MED4: variants seen among roughly 807,000 people sequenced by gnomAD.
The protein encoded by MED4 is mediator of RNA polymerase II transcription subunit 4.
In MED4, 21 loss-of-function variants were observed where a neutral mutation model predicts 35.0. The ratio of observed to expected loss-of-function variants is 0.60; its 90% confidence interval spans 0.43 to 0.86. MED4 has a LOEUF of 0.86. Among genes scored for constraint, MED4 ranks in the 40% least tolerant of loss-of-function variants. The probability of loss-of-function intolerance (pLI) is 0.00; values close to 1 mark genes in which losing one functional copy is unlikely to be tolerated. For synonymous variants in MED4, 138 were observed against 114.0 expected (o/e 1.21, Z -1.34); for missense variants, 300 against 319.4 (o/e 0.94, Z 0.46).
Position 48,077,123 on chromosome 13 carries a change from T to C in MED4, c.*16A>G, listed in dbSNP as rs1950765660. The C allele has an allele frequency of 6.3e-7, 1 of 1,585,886 alleles. No individual in the cohort carries two copies. The highest frequency in any genetic ancestry group is 2.3e-5 in the East Asian group (1 of 43,182). ...TTCTACAGTATTCAATTCTGTATAT[T>C]GTCTTTTAAGGTTTTTCAATCAGAC... On this transcript the variant is annotated 3_prime_UTR_variant, in exon 7 of 7. Transcript: ENST00000258648.
chr13:48,082,383 A>C (rs1203338964), intron 4 of MED4, among the ~76,000 whole-genome samples: 1 of 152,200 alleles, frequency 6.6e-6, no homozygotes, highest in African/African-American at 2.4e-5. Flanking sequence ...AACTTTAGAT[A>C]CTGTTTCAAT....
intron 1 of MED4, among the ~76,000 whole-genome samples, chr13:48,090,641 C>G (rs142276009): frequency 6.6e-6 from 1 of 152,172 alleles, no homozygotes; most frequent in African/African-American, 2.4e-5. Flanking sequence ...AGAGTTCTTT[C>G]TATAAAAACC....
intron 2 of MED4, among the ~76,000 whole-genome samples, 164 bp downstream of exon 2, chr13:48,090,188 C>A (rs1402146412): frequency 6.6e-6 from 1 of 151,980 alleles, no homozygotes; most frequent in Non-Finnish European, 1.5e-5. Context: ...GTAAATGATA[C>A]AAAGAAAATA....
intron 5 of MED4, among the ~76,000 whole-genome samples, chr13:48,081,380 T>C (rs552412585): frequency 6.6e-6 from 1 of 152,318 alleles, no homozygotes; most frequent in African/African-American, 2.4e-5. Flanking sequence ...AAGCATCACA[T>C]TATTATCTCG....
chr13:48,082,023 G>A (rs1950811910), intron 4 of MED4, among the ~76,000 whole-genome samples: 1 of 152,090 alleles, frequency 6.6e-6, no homozygotes, highest in Admixed American at 6.5e-5. Context: ...TCTTCTGAAA[G>A]CATAGTGAGC....
intron 6 of MED4, chr13:48,077,590 T>C: frequency 5.0e-6 from 1 of 198,616 alleles, no homozygotes; most frequent in Non-Finnish European, 1.0e-5. Flanking sequence ...TTTAAAGTTT[T>C]TGTAGAGATG....
rs1443147159 is a variant in MED4 at position 48,076,888 on chromosome 13, T to A, written c.*251A>T. The stretch of plus-strand genomic sequence containing the variant: ...GAACAGAACAGGGTAAGAAAGCACA[T>A]AGCAACTGCTTTTTCAACAGTAAAT... On this transcript the variant is annotated 3_prime_UTR_variant, in exon 7 of 7. Coordinates refer to ENST00000258648, the MANE Select transcript of MED4 (RefSeq NM_014166.4). 2.7e-6 allele frequency: 1 copy of A among 375,108 alleles called. No homozygotes were observed. Among genetic ancestry groups the A allele is most frequent in the Non-Finnish European group, 4.8e-6 (1 of 208,594 alleles). The allele number at this position is 375,108 out of a possible 1,614,324, so 23.2% of individuals were successfully genotyped here. A position where few individuals can be genotyped will look rare whatever the true frequency, so the allele number is the denominator to read the frequency against.
chr13:48,092,900 C>G (rs1267778067), intron 1 of MED4, among the ~76,000 whole-genome samples: 2 of 152,102 alleles, frequency 1.3e-5, no homozygotes. Context: ...CCACAGAAGG[C>G]TTTACAAGGC....
rs780337542 is a variant in MED4 at position 48,076,318 on chromosome 13, G to C, written c.*821C>G. 4 of 152,152 alleles carry C rather than the reference G, an allele frequency of 2.6e-5. No individual in the cohort carries two copies. Among genetic ancestry groups the C allele is most frequent in the Non-Finnish European group, 5.9e-5 (4 of 68,006 alleles). 9.4% of individuals were successfully genotyped at this position (152,152 alleles called of 1,614,324 possible). On this transcript the variant is annotated 3_prime_UTR_variant, in exon 7 of 7. Transcript: ENST00000258648. ...AATGACTCCTGGGGAACTGTAAGAAGAGGAAGGTGAAGGGAAGAAATGGTT... is the reference window on the plus strand; with the variant it reads ...AATGACTCCTGGGGAACTGTAAGAACAGGAAGGTGAAGGGAAGAAATGGTT...
intron 2 of MED4, among the ~76,000 whole-genome samples, chr13:48,087,775 A>G (rs1445399887): frequency 6.6e-6 from 1 of 151,902 alleles, no homozygotes; most frequent in Non-Finnish European, 1.5e-5. Context: ...GCTTGAACCC[A>G]GGAGGCGGAG....
intron 5 of MED4, 147 bp from the exon 6 acceptor site, chr13:48,080,122 T>A (rs781203760): frequency 3.6e-6 from 3 of 830,516 alleles, no homozygotes; most frequent in East Asian, 6.4e-5. Context: ...TCTGGCCAGG[T>A]GCAGTGGCTC....
intron 4 of MED4, among the ~76,000 whole-genome samples, chr13:48,082,898 T>C (rs777849319): frequency 5.9e-5 from 9 of 152,044 alleles, no homozygotes; most frequent in Non-Finnish European, 1.0e-4. Flanking sequence ...CAGGAAGGCA[T>C]GTGGGCCTCT....
chr13:48,084,052 G>T (rs9534950), intron 3 of MED4, among the ~76,000 whole-genome samples: 1 of 151,838 alleles, frequency 6.6e-6, no homozygotes, highest in Non-Finnish European at 1.5e-5. Context: ...TTTGAGATCA[G>T]GAGTCTGAGA....
At position 48,077,289 on chromosome 13, in the gene MED4, T is replaced by A; in HGVS notation, c.663A>T (p.Pro221=). 6.6e-7 allele frequency: 1 copy of A among 1,526,074 alleles called. No individual in the cohort carries two copies. The highest frequency in any genetic ancestry group is 8.7e-7 in the Non-Finnish European group (1 of 1,142,916). 94.5% of individuals were successfully genotyped at this position (1,526,074 alleles called of 1,614,324 possible). The part of the protein sequence containing the change: ...RLPDVLAPQY[P]WQSNDMSMNM... ...TCATCGACATGTCATTTGACTGCCATGGATACTGTGGAGCAAGGACATCTG... is the reference window on the plus strand; with the variant it reads ...TCATCGACATGTCATTTGACTGCCAAGGATACTGTGGAGCAAGGACATCTG... The change falls in exon 7 of 7, where the codon CCA becomes CCT. Residue 221 remains proline, a synonymous_variant. Transcript: ENST00000258648.
chr13:48,089,330 C>T (rs936493732), intron 2 of MED4, among the ~76,000 whole-genome samples: 2 of 152,212 alleles, frequency 1.3e-5, no homozygotes, highest in African/African-American at 4.8e-5. Flanking sequence ...GCCCTCAAAA[C>T]GTAAGACAGA....
intron 3 of MED4, among the ~76,000 whole-genome samples, chr13:48,084,477 A>G (rs1950835363): frequency 6.6e-6 from 1 of 152,128 alleles, no homozygotes; most frequent in South Asian, 2.1e-4. Context: ...GTGCTCAATC[A>G]ATGTTAGTTA....
At chr13:48,089,698 AGTC>A (rs1269285581) in intron 2 of MED4, among the ~76,000 whole-genome samples, 1 of 152,190 alleles carries the variant, frequency 6.6e-6, no homozygotes. Context: ...TGCAGTGAGC[AGTC>A]ATCATGCCAC....
intron 4 of MED4, among the ~76,000 whole-genome samples, 169 bp downstream of exon 4, chr13:48,083,202 C>T (rs1220129090): frequency 6.6e-6 from 1 of 152,204 alleles, no homozygotes; most frequent in African/African-American, 2.4e-5. Flanking sequence ...GATACTTCTA[C>T]CTCCCTCACA....
In MED4 at chr13:48,095,044, T is replaced by G; in HGVS notation, c.35A>C (p.Glu12Ala). The G allele has an allele frequency of 1.2e-6, 2 of 1,605,812 alleles. No homozygotes were observed. Among genetic ancestry groups the G allele is most frequent in the Non-Finnish European group, 1.7e-6 (2 of 1,179,900 alleles). The change falls in exon 1 of 7, where the codon GAG (glutamate) becomes GCG (alanine). Residue 12 changes from glutamate to alanine, a missense_variant. By Grantham distance (107) the Glu-to-Ala change is moderately radical. Transcript: ENST00000258648. Reference sequence around the variant, plus strand: ...CACTCCCAAACCGCCTCCCAGCCGCTCCTTCTCCTTCTCACCACTCGAAGA... The same window carrying G: ...CACTCCCAAACCGCCTCCCAGCCGCGCCTTCTCCTTCTCACCACTCGAAGA... ...AASSSGEKEK[E>A]RLGGGLGVAG...
Sources: gnomAD v4.1 joint callset for allele counts (sites outside exome capture counted in the v4.1 genomes callset) on GRCh38, gnomAD v4.1.1 for gene constraint, MANE v1.5 for transcripts, NCBI Gene and HGNC (gene_info 2026-07-23, HGNC 2026-07-21) for gene names.